Variants in PTPRD observed in about 807,000 individuals in gnomAD.
PTPRD encodes receptor-type tyrosine-protein phosphatase delta.
A neutral mutation model predicts 214.5 loss-of-function variants in PTPRD; 34 were observed. The observed-to-expected ratio is 0.16, with a 90% confidence interval of 0.12 to 0.21. The LOEUF is 0.21. Among genes scored for constraint, PTPRD ranks in the 10% least tolerant of loss-of-function variants. PTPRD has a pLI of 1.00. For missense variants in PTPRD, 2,545 were observed against 2,398.7 expected (o/e 1.06, Z -1.27); for synonymous variants, 1,128 against 845.7 (o/e 1.33, Z -5.79).
Position 9,134,325 on chromosome 9 carries a change from G to A in PTPRD, c.-143+48979C>T, listed in dbSNP as rs2099847614. Among the ~76,000 whole-genome samples the A allele has an allele frequency of 2.0e-5, 3 of 150,888 alleles. 1 individual carries two copies. Among genetic ancestry groups the A allele is most frequent in the South Asian group, 4.2e-4 (2 of 4,770 alleles). ...CCTGACCTCATGATCCACCCGCCTC[G>A]GCCTCCCAAAGTGCTGGGATTACAG... On this transcript the variant is annotated intron_variant, in intron 10 of 45. Coordinates refer to ENST00000381196, the MANE Select transcript of PTPRD (RefSeq NM_002839.4).
intron 14 of PTPRD, among the ~76,000 whole-genome samples, chr9:8,537,376 A>T (rs1269127820): frequency 1.3e-5 from 2 of 152,074 alleles, no homozygotes; most frequent in Non-Finnish European, 2.9e-5. Context: ...TGACATTCCA[A>T]ATGGAACATA....
chr9:10,177,953 C>G (rs2099259171), intron 3 of PTPRD, among the ~76,000 whole-genome samples: 1 of 151,874 alleles, frequency 6.6e-6, no homozygotes, highest in African/African-American at 2.4e-5. Flanking sequence ...AAAATGGGAG[C>G]AGTCCAGAGA....
chr9:9,788,675 T>A (rs2098944848), intron 5 of PTPRD, among the ~76,000 whole-genome samples: 2 of 149,622 alleles, frequency 1.3e-5, no homozygotes, highest in South Asian at 2.1e-4. Flanking sequence ...AAGAAAAAAA[T>A]GTTTAAAGGG....
chr9:8,591,833 G>A (rs1161119397), intron 14 of PTPRD, among the ~76,000 whole-genome samples: 1 of 152,098 alleles, frequency 6.6e-6, no homozygotes, highest in Non-Finnish European at 1.5e-5. Flanking sequence ...TATTCACTAT[G>A]TAAACCTTCT....
chr9:9,591,507 G>A (rs755197752), intron 7 of PTPRD, among the ~76,000 whole-genome samples: 3 of 151,972 alleles, frequency 2.0e-5, no homozygotes, highest in African/African-American at 7.2e-5. Context: ...ACTGCATCTG[G>A]AATCCTAACC....
intron 2 of PTPRD, among the ~76,000 whole-genome samples, chr9:10,445,544 C>A (rs1340290490): frequency 6.6e-6 from 1 of 152,014 alleles, no homozygotes; most frequent in Non-Finnish European, 1.5e-5. Flanking sequence ...TCTATGCATA[C>A]AGGACTTAGT....
intron 11 of PTPRD, among the ~76,000 whole-genome samples, chr9:8,856,790 A>G (rs1009124439): frequency 1.3e-5 from 2 of 152,228 alleles, no homozygotes; most frequent in Admixed American, 6.5e-5. Flanking sequence ...ATGAAAGCCA[A>G]GCTCACACTT....
chr9:9,918,351 T>C (rs369258859), intron 5 of PTPRD, among the ~76,000 whole-genome samples: 4 of 101,922 alleles, frequency 3.9e-5, no homozygotes, highest in African/African-American at 1.1e-4. Flanking sequence ...ACCAAAGAGG[T>C]AAAAAAAAAA....
chr9:8,675,382 T>A (rs763973657), intron 12 of PTPRD, among the ~76,000 whole-genome samples: 4 of 151,890 alleles, frequency 2.6e-5, no homozygotes. Flanking sequence ...TACAGATTCA[T>A]TAATCAATAG....
intron 12 of PTPRD, chr9:8,713,451 C>A (rs941961566): frequency 5.3e-5 from 58 of 1,104,546 alleles, no homozygotes; most frequent in Non-Finnish European, 6.4e-5. Context: ...TCTGGTACTT[C>A]GTATCTCAGT....
chr9:8,374,890 G>A (rs530130643), intron 39 of PTPRD, among the ~76,000 whole-genome samples: 8 of 151,880 alleles, frequency 5.3e-5, no homozygotes, highest in South Asian at 2.1e-4. Context: ...TGATCAGCCC[G>A]TTGACCCCAT....
At chr9:9,289,083 G>C (rs568109581) in intron 9 of PTPRD, among the ~76,000 whole-genome samples, 2 of 151,712 alleles carry the variant, frequency 1.3e-5, no homozygotes, top group Non-Finnish European at 2.9e-5. Context: ...CAGTAGTTAC[G>C]TCATGGAAAT....
intron 10 of PTPRD, among the ~76,000 whole-genome samples, chr9:9,020,103 A>C (rs1413777318): frequency 6.6e-6 from 1 of 152,168 alleles, no homozygotes; most frequent in Non-Finnish European, 1.5e-5. Context: ...GAGCTGACGG[A>C]TATTATTGTT....
In PTPRD at chr9:10,423,634, G is replaced by A. The variant is rs543898600; in HGVS notation, c.-599-82617C>T. ...TGGCAGAATGAAAAGTAGCAACACT[G>A]CAAGTGTAAGGTGTTTTTTAGAGAT... On this transcript the variant is annotated intron_variant, in intron 2 of 45. Transcript: ENST00000381196. Among the ~76,000 whole-genome samples, 17 of 151,998 alleles carry A rather than the reference G, an allele frequency of 1.1e-4. No individual in the cohort carries two copies. The South Asian group carries it at 3.5e-3, about 32-fold the overall frequency.
intron 27 of PTPRD, 65 bp downstream of exon 27, chr9:8,492,797 C>T: frequency 8.8e-7 from 1 of 1,135,390 alleles, no homozygotes; most frequent in South Asian, 1.6e-5. Flanking sequence ...CTGCTAGAAG[C>T]TACCTATACC....
chr9:10,019,551 G>C (rs2096799971), intron 4 of PTPRD, among the ~76,000 whole-genome samples: 1 of 152,144 alleles, frequency 6.6e-6, no homozygotes, highest in African/African-American at 2.4e-5. Flanking sequence ...TGATAGACTG[G>C]ATTAAGAAAA....
chr9:8,563,246 A>C (rs1376324264), intron 14 of PTPRD, among the ~76,000 whole-genome samples: 3 of 152,158 alleles, frequency 2.0e-5, no homozygotes, highest in Non-Finnish European at 4.4e-5. Flanking sequence ...TACAGTACAG[A>C]CAGCCAAGAT....
chr9:10,256,536 G>A (rs1426972367), intron 3 of PTPRD, among the ~76,000 whole-genome samples: 2 of 152,048 alleles, frequency 1.3e-5, no homozygotes, highest in East Asian at 3.9e-4. Context: ...TGAGTGAAAC[G>A]TCATTATGTG....
intron 11 of PTPRD, among the ~76,000 whole-genome samples, chr9:8,847,785 A>G (rs1304805042): frequency 2.0e-5 from 3 of 152,214 alleles, no homozygotes; most frequent in Non-Finnish European, 2.9e-5. Flanking sequence ...ATCCACCCTT[A>G]TTGATAATGA....
Sources: gnomAD v4.1 joint callset for allele counts (sites outside exome capture counted in the v4.1 genomes callset) on GRCh38, gnomAD v4.1.1 for gene constraint, MANE v1.5 for transcripts, NCBI Gene and HGNC (gene_info 2026-07-23, HGNC 2026-07-21) for gene names.